The following BCL2L13 variants were observed in gnomAD, a reference collection of about 807,000 sequenced individuals.
BCL2L13 encodes the protein BCL2 like 13.
Under a neutral mutation model 25.8 loss-of-function variants are expected in BCL2L13, and 13 were observed. The ratio of observed to expected loss-of-function variants is 0.50; its 90% CI spans 0.33 to 0.80. The LOEUF (loss-of-function observed/expected upper bound fraction) is 0.80. BCL2L13 is among the 30% of genes least tolerant of loss of function. The pLI, the probability that BCL2L13 is intolerant of heterozygous loss-of-function variation, is 0.02. For missense variants in BCL2L13, 504 were observed against 574.9 expected (o/e 0.88, Z 1.26); for synonymous variants, 244 against 230.3 (o/e 1.06, Z -0.54).
In BCL2L13 at chr22:17,726,901, C is replaced by T; in HGVS notation, c.825C>T (p.Ser275=). Residue 275 remains serine (S), a synonymous_variant, in exon 7 of 7, where the codon TCC becomes TCT. Coordinates refer to ENST00000317582, the MANE Select transcript of BCL2L13 (RefSeq NM_015367.4). ...TGCCAGTGTCACTAGGCCCTGAGTC[C>T]TGGCAGCAGATTGCAATGGATCCTG... is the stretch of plus-strand genomic sequence containing the variant. ...ESLPVSLGPE[S]WQQIAMDPEE... The T allele has an allele frequency of 6.2e-7, 1 of 1,614,220 alleles. No homozygotes were observed. The highest frequency in any genetic ancestry group is 8.5e-7 in the Non-Finnish European group (1 of 1,180,050).
At chr22:17,637,170 G>T (rs758047498), upstream of BCL2L13, among the ~76,000 whole-genome samples, 7 of 152,006 alleles carry the variant, frequency 4.6e-5, no homozygotes, top group Non-Finnish European at 7.4e-5. Flanking sequence ...ACTTTGGGAG[G>T]CCAAGGCGAG....
At position 17,683,214 on chromosome 22, in the gene BCL2L13, G is replaced by C; in HGVS notation, c.122G>C (p.Gly41Ala). ...LQEQHLSSPQGVQLDIASQSL... is the reference protein window; with the variant it reads ...LQEQHLSSPQAVQLDIASQSL... ...TAATAACCTTTTTTGTTGCTTTCAG[G>C]GGTTCAACTAGATATAGCTTCACAA... The change falls in exon 3 of 7, where the codon GGG becomes GCG. Residue 41 changes from glycine to alanine, a missense_variant and splice_region_variant. Gly to Ala is a moderately conservative substitution (Grantham distance 60, BLOSUM62 0). Coordinates refer to ENST00000317582, the MANE Select transcript of BCL2L13 (RefSeq NM_015367.4). 1 of 1,501,232 alleles carries C rather than the reference G, an allele frequency of 6.7e-7. No homozygotes were observed. 93.0% of individuals were successfully genotyped at this position (1,501,232 alleles called of 1,614,324 possible).
intron 4 of BCL2L13, among the ~76,000 whole-genome samples, chr22:17,693,510 G>A (rs1568982342): frequency 6.6e-6 from 1 of 151,310 alleles, no homozygotes; most frequent in Non-Finnish European, 1.5e-5. Context: ...CTCCTGAGTA[G>A]CTGGGATTAC....
upstream of BCL2L13, chr22:17,638,436 A>G (rs1385315178): frequency 1.8e-5 from 7 of 381,538 alleles, no homozygotes; most frequent in African/African-American, 8.3e-5. Context: ...AACGCAATAC[A>G]TGTTTGTGGA....
intron 6 of BCL2L13, among the ~76,000 whole-genome samples, chr22:17,709,785 A>G (rs1414679532): frequency 1.3e-5 from 2 of 151,812 alleles, no homozygotes; most frequent in Non-Finnish European, 2.9e-5. Flanking sequence ...AAAACAAAAG[A>G]AAACATTGAC....
intron 1 of BCL2L13, among the ~76,000 whole-genome samples, chr22:17,654,660 G>A (rs1429211448): frequency 7.3e-5 from 11 of 150,966 alleles, no homozygotes; most frequent in African/African-American, 2.2e-4. Flanking sequence ...TCCTGACCTC[G>A]TGATCCGCCC....
intron 2 of BCL2L13, among the ~76,000 whole-genome samples, chr22:17,682,565 C>T (rs556877938): frequency 6.6e-6 from 1 of 152,050 alleles, no homozygotes; most frequent in Admixed American, 6.6e-5. Flanking sequence ...AAAAAGGATA[C>T]ATTGTCTACA....
intron 2 of BCL2L13, among the ~76,000 whole-genome samples, chr22:17,673,155 C>A (rs1177947605): frequency 6.6e-6 from 1 of 152,012 alleles, no homozygotes. Flanking sequence ...GACTATAAAC[C>A]TGTAAAGTTC....
At chr22:17,717,962 C>A (rs546232523) in intron 6 of BCL2L13, among the ~76,000 whole-genome samples, 1 of 152,104 alleles carries the variant, frequency 6.6e-6, no homozygotes, top group Non-Finnish European at 1.5e-5. Flanking sequence ...TGGTGCATGC[C>A]TGTGGTCCTA....
chr22:17,631,988 G>A (rs2146341951), intron 1 of BCL2L13, among the ~76,000 whole-genome samples: 1 of 151,932 alleles, frequency 6.6e-6, no homozygotes, highest in East Asian at 1.9e-4. Context: ...CCAAAGTCTT[G>A]GGATTACAGG....
intron 6 of BCL2L13, among the ~76,000 whole-genome samples, chr22:17,707,913 A>G (rs1229377526): frequency 6.6e-6 from 1 of 152,204 alleles, no homozygotes; most frequent in Non-Finnish European, 1.5e-5. Context: ...AAACAAAAAA[A>G]TACAATCAAT....
intron 6 of BCL2L13, among the ~76,000 whole-genome samples, chr22:17,710,363 T>C (rs2060716021): frequency 6.6e-6 from 1 of 151,172 alleles, no homozygotes; most frequent in Non-Finnish European, 1.5e-5. Flanking sequence ...GGCAGATCAT[T>C]TGAGGTCAGG....
chr22:17,689,293 A>G (rs2060035598), intron 4 of BCL2L13, 151 bp downstream of exon 4: 3 of 687,480 alleles, frequency 4.4e-6, no homozygotes, highest in Admixed American at 3.6e-5. Flanking sequence ...TTCCCAAAGC[A>G]TCTCTGTGTT....
At chr22:17,676,882 C>T (rs1601617030) in intron 2 of BCL2L13, among the ~76,000 whole-genome samples, 2 of 152,150 alleles carry the variant, frequency 1.3e-5, no homozygotes, top group Admixed American at 1.3e-4. Context: ...TAGGATCTTT[C>T]TAGGATAAAT....
chr22:17,647,653 G>A (rs1419670454), intron 1 of BCL2L13, among the ~76,000 whole-genome samples: 1 of 152,172 alleles, frequency 6.6e-6, no homozygotes, highest in Non-Finnish European at 1.5e-5. Flanking sequence ...AGTGAAGACG[G>A]TGTACCCAAT....
intron 1 of BCL2L13, among the ~76,000 whole-genome samples, chr22:17,644,477 G>A (rs951490198): frequency 6.6e-6 from 1 of 150,532 alleles, no homozygotes; most frequent in Non-Finnish European, 1.5e-5. Flanking sequence ...GACTACAAGT[G>A]CGTGCCACCA....
chr22:17,676,551 T>C (rs1415730719), intron 2 of BCL2L13, among the ~76,000 whole-genome samples: 6 of 152,316 alleles, frequency 3.9e-5, no homozygotes, highest in Admixed American at 3.3e-4. Context: ...CTCCAAAGCT[T>C]ATCAACCACT....
At chr22:17,683,868 T>C (rs1029622199) in intron 3 of BCL2L13, among the ~76,000 whole-genome samples, 11 of 149,552 alleles carry the variant, frequency 7.4e-5, no homozygotes, top group South Asian at 4.2e-4. Context: ...TTATTATTAT[T>C]ATTATTATTA....
chr22:17,717,476 G>T (rs185092855), intron 6 of BCL2L13, among the ~76,000 whole-genome samples: 1 of 151,908 alleles, frequency 6.6e-6, no homozygotes, highest in Admixed American at 6.6e-5. Context: ...TTTTTGTAGA[G>T]ATGGGGTCTT....
Sources: allele counts gnomAD v4.1 joint callset (sites outside exome capture counted in the v4.1 genomes callset), GRCh38; gene constraint gnomAD v4.1.1; transcripts MANE v1.5; gene names NCBI Gene and HGNC (gene_info 2026-07-23, HGNC 2026-07-21).